The following ADGRV1 variants were observed in gnomAD, a reference collection of about 807,000 sequenced individuals.
The protein encoded by ADGRV1 is adhesion G protein-coupled receptor V1.
Under a neutral mutation model 596.2 loss-of-function variants are expected in ADGRV1, and 359 were observed. The ratio of observed to expected loss-of-function variants is 0.60; its 90% CI spans 0.55 to 0.66. The LOEUF is 0.66. ADGRV1 is among the 30% of genes least tolerant of loss of function. The probability of loss-of-function intolerance (pLI) is 0.00; values close to 1 mark genes in which losing one functional copy is unlikely to be tolerated. For missense variants in ADGRV1, 7,274 were observed against 7,575.6 expected (o/e 0.96, Z 1.48); for synonymous variants, 2,681 against 2,679.2 (o/e 1.00, Z -0.02).
chr5:90,734,790 C>A (rs1273858323), intron 50 of ADGRV1, among the ~76,000 whole-genome samples: 3 of 152,056 alleles, frequency 2.0e-5, no homozygotes, highest in Middle Eastern at 3.2e-3. Context: ...AAACTCCTGA[C>A]CTCATGATCC....
intron 85 of ADGRV1, among the ~76,000 whole-genome samples, chr5:91,052,122 T>C (rs1786391736): frequency 6.6e-6 from 1 of 152,152 alleles, no homozygotes; most frequent in Non-Finnish European, 1.5e-5. Flanking sequence ...TTTTCAATAG[T>C]TAATCTAGAG....
intron 83 of ADGRV1, among the ~76,000 whole-genome samples, chr5:90,931,692 A>G (rs1442290808): frequency 1.3e-5 from 2 of 152,216 alleles, no homozygotes; most frequent in South Asian, 2.1e-4. Flanking sequence ...TGACAACACA[A>G]TTTCTTAAAA....
chr5:90,750,940 A>G (rs188441804), intron 53 of ADGRV1, among the ~76,000 whole-genome samples: 1 of 152,316 alleles, frequency 6.6e-6, no homozygotes, highest in East Asian at 1.9e-4. Context: ...GAGTTTCAGT[A>G]CATTCGTTGG....
At chr5:90,907,944 G>A (rs559811015) in intron 83 of ADGRV1, among the ~76,000 whole-genome samples, 135 of 152,132 alleles carry the variant, frequency 8.9e-4, no homozygotes, top group Non-Finnish European at 1.4e-3. Context: ...TCCATCTCCC[G>A]GGTTCAAGTA....
rs527391963 is a variant in ADGRV1, at chr5:90,688,247, C to T, written c.6491-1614C>T. Among the ~76,000 whole-genome samples the T allele has an allele frequency of 6.6e-5, 10 of 152,256 alleles. No homozygotes were observed. In the East Asian group the frequency reaches 1.5e-3, roughly 24 times the overall value. On this transcript the variant is annotated intron_variant, in intron 29 of 89. Coordinates refer to ENST00000405460, the MANE Select transcript of ADGRV1 (RefSeq NM_032119.4). ...AGCCCTCAGAAATAACGCCGCATAT[C>T]TACAACTATCTGATCTTTGACAAAC... is the stretch of plus-strand genomic sequence containing the variant.
rs1162174977 is a variant in ADGRV1 at position 90,629,538 on chromosome 5, A to G, written c.1838A>G (p.Gln613Arg). ...FLQNGAHFLVQLETVELLNII... is the reference protein window; with the variant it reads ...FLQNGAHFLVRLETVELLNII... Reference sequence around the variant, plus strand: ...CAAAATGGAGCTCACTTTCTAGTACAGGTACTTGTATGATTAAAATAATCG... The same window carrying G: ...CAAAATGGAGCTCACTTTCTAGTACGGGTACTTGTATGATTAAAATAATCG... Residue 613 changes from glutamine (Q) to arginine (R), a missense_variant and splice_region_variant, in exon 9 of 90, where the codon CAG (glutamine) becomes CGG (arginine). Around this residue, in one of 5 missense-constraint regions of ADGRV1, gnomAD observed 1,715 missense variants for 1,708.8 expected, o/e 1.00. Transcript: ENST00000405460. 2 of 1,589,064 alleles carry G rather than the reference A, an allele frequency of 1.3e-6. No individual in the cohort carries two copies.
chr5:91,142,611 G>C lies in ADGRV1; in HGVS notation c.18433-7419G>C, dbSNP rs76001834. 3.9e-5 allele frequency among the ~76,000 whole-genome samples: 6 copies of C among 152,040 alleles called. No individual in the cohort carries two copies. The East Asian group carries it at 1.2e-3, about 29-fold the overall frequency. On this transcript the variant is annotated intron_variant, in intron 87 of 89. Transcript: ENST00000405460. ...TTCTTCCCACCCCACCCCACTTCCT[G>C]GTTAAATTTGTGCAATGGTAATATT... is the stretch of plus-strand genomic sequence containing the variant.
chr5:90,946,345 A>G (rs368170272), intron 83 of ADGRV1, among the ~76,000 whole-genome samples: 1 of 152,186 alleles, frequency 6.6e-6, no homozygotes, highest in Admixed American at 6.5e-5. Context: ...GAATCACTCC[A>G]TTAGTGGAGA....
chr5:90,590,453 A>G (rs979095373), intron 1 of ADGRV1, among the ~76,000 whole-genome samples: 1 of 152,152 alleles, frequency 6.6e-6, no homozygotes, highest in South Asian at 2.1e-4. Context: ...TAGCCATTCC[A>G]TGTGGCTAGC....
chr5:90,759,646 G>A (rs771664169), intron 58 of ADGRV1, 58 bp downstream of exon 58: 1 of 1,474,870 alleles, frequency 6.8e-7, no homozygotes, highest in Non-Finnish European at 9.4e-7. Flanking sequence ...ATGTAATTTT[G>A]AGTAGAAAGT....
chr5:91,058,972 C>T (rs1010443966), intron 85 of ADGRV1, among the ~76,000 whole-genome samples: 1 of 152,170 alleles, frequency 6.6e-6, no homozygotes, highest in Non-Finnish European at 1.5e-5. Flanking sequence ...ACTCATACTG[C>T]ACAGCACTTT....
intron 11 of ADGRV1, among the ~76,000 whole-genome samples, chr5:90,639,104 G>GCA (rs764127320): frequency 2.0e-4 from 22 of 107,952 alleles, no homozygotes; most frequent in East Asian, 5.7e-4. Flanking sequence ...ACACGCTCGC[G>GCA]CACACACACA....
chr5:91,054,106 A>T (rs1071579), intron 85 of ADGRV1, among the ~76,000 whole-genome samples: 12,261 of 107,942 alleles, frequency 0.11, 594 homozygotes, highest in African/African-American at 0.21. Flanking sequence ...TGTGTGTGAG[A>T]GAGAGAGAGA....
In ADGRV1 at chr5:90,986,979, A is replaced by T. The variant is rs145812451; in HGVS notation, c.18152+1457A>T. Among the ~76,000 whole-genome samples, 373 of 152,314 alleles carry T rather than the reference A, an allele frequency of 2.4e-3. 2 individuals are homozygous for T. The highest frequency in any genetic ancestry group is 4.0e-3 in the Non-Finnish European group (274 of 68,022). ...CAGCCTTGCTAAATGGACCCAATGA[A>T]TGTAATATTAATTAGAAAAAACTAT... is the stretch of plus-strand genomic sequence containing the variant. On this transcript the variant is annotated intron_variant, in intron 85 of 89. Transcript: ENST00000405460.
intron 83 of ADGRV1, among the ~76,000 whole-genome samples, chr5:90,924,291 T>A (rs1774190989): frequency 6.6e-6 from 1 of 150,536 alleles, no homozygotes; most frequent in South Asian, 2.1e-4. Flanking sequence ...CTCCAGCACC[T>A]GTTGTTTCCT....
chr5:90,980,648 TA>T (rs1465430759), intron 84 of ADGRV1, among the ~76,000 whole-genome samples: 39 of 152,326 alleles, frequency 2.6e-4, no homozygotes, highest in African/African-American at 8.4e-4. Context: ...ACGTGTAAGA[TA>T]AACAGTGAAC....
intron 1 of ADGRV1, among the ~76,000 whole-genome samples, chr5:90,577,774 G>T (rs577894283): frequency 6.6e-6 from 1 of 152,142 alleles, no homozygotes; most frequent in African/African-American, 2.4e-5. Context: ...CCATTAGTTT[G>T]TGTCCTCTTT....
intron 82 of ADGRV1, among the ~76,000 whole-genome samples, chr5:90,861,475 G>A (rs368868266): frequency 6.6e-6 from 1 of 150,774 alleles, no homozygotes; most frequent in Non-Finnish European, 1.5e-5. Context: ...ATGCCCGGCT[G>A]ATTTTTTGTA....
chr5:90,856,214 G>A (rs890497171), intron 82 of ADGRV1, among the ~76,000 whole-genome samples: 3 of 152,082 alleles, frequency 2.0e-5, no homozygotes, highest in African/African-American at 7.2e-5. Flanking sequence ...TAGAGGGCAG[G>A]TACTGCAGTT....
Sources: gnomAD v4.1 joint callset for allele counts (sites outside exome capture counted in the v4.1 genomes callset) on GRCh38, gnomAD v4.1.1 for gene constraint, gnomAD v4.1.1 regional missense constraint, MANE v1.5 for transcripts, NCBI Gene and HGNC (gene_info 2026-07-23, HGNC 2026-07-21) for gene names.